The following RBM38 variants were observed in gnomAD, a reference collection of about 807,000 sequenced individuals.
RBM38 encodes RNA binding motif protein 38, also known as RNA-binding protein 38.
In RBM38, 11 loss-of-function variants were observed where a neutral mutation model predicts 23.5. The ratio of observed to expected loss-of-function variants is 0.47; its 90% CI spans 0.29 to 0.77. The LOEUF is 0.77. Among genes scored for constraint, RBM38 ranks in the 30% least tolerant of loss-of-function variants. RBM38 has a pLI of 0.08. For missense variants in RBM38, 330 were observed against 351.9 expected (o/e 0.94, Z 0.50); for synonymous variants, 165 against 166.1 (o/e 0.99, Z 0.05).
chr20:57,393,262 T>C lies in RBM38; in HGVS notation c.362-17T>C. The C allele has an allele frequency of 6.2e-7, 1 of 1,612,784 alleles. No homozygotes were observed. Among genetic ancestry groups the C allele is most frequent in the Non-Finnish European group, 8.5e-7 (1 of 1,179,228 alleles). On this transcript the variant is annotated splice_polypyrimidine_tract_variant and intron_variant, in intron 2 of 3. Transcript: ENST00000356208. ...TCGTGCAGCAAGGCCAAGTCCCTGATTGTTCTCTCGTTTTAGGCTTTGCCA... is the reference window on the plus strand; with the variant it reads ...TCGTGCAGCAAGGCCAAGTCCCTGACTGTTCTCTCGTTTTAGGCTTTGCCA...
At chr20:57,394,207 C>T (rs2067250812) in intron 3 of RBM38, among the ~76,000 whole-genome samples, 4 of 152,272 alleles carry the variant, frequency 2.6e-5, no homozygotes, top group Non-Finnish European at 4.4e-5. Context: ...CGTGTGTGTG[C>T]TCACGCATGT....
Position 57,407,010 on chromosome 20 carries a change from A to C in RBM38, c.417-533A>C, listed in dbSNP as rs1178554466. ...CTCTGTCTCAAAAAAAAAAAAAAAA[A>C]CAAACCCTGTGAGGAGCAGGTGTTG... On this transcript the variant is annotated intron_variant, in intron 3 of 3. Transcript: ENST00000356208. The surrounding 1 kb of genome is among the most constrained non-coding windows in gnomAD (Gnocchi z 4.0). Among the ~76,000 whole-genome samples, 19 of 149,106 alleles carry C rather than the reference A, an allele frequency of 1.3e-4. No homozygotes were observed. The highest frequency in any genetic ancestry group is 7.8e-4 in the East Asian group (4 of 5,136).
At chr20:57,406,043 C>T (rs543040209) in intron 3 of RBM38, among the ~76,000 whole-genome samples, 1 of 152,352 alleles carries the variant, frequency 6.6e-6, no homozygotes, top group South Asian at 2.1e-4. Flanking sequence ...AAGTCACCCC[C>T]CAGGCGGGCC....
chr20:57,396,615 G>A (rs1003213999), intron 3 of RBM38, among the ~76,000 whole-genome samples: 8 of 152,202 alleles, frequency 5.3e-5, no homozygotes, highest in East Asian at 1.9e-4. Context: ...CTTGACTCCC[G>A]TTCACAGAGT....
intron 3 of RBM38, among the ~76,000 whole-genome samples, chr20:57,402,573 G>A (rs970466749): frequency 3.3e-5 from 5 of 152,208 alleles, no homozygotes; most frequent in East Asian, 1.9e-4. Context: ...GTGGGGCGGC[G>A]TGCAGCTACC....
rs542773204 is a variant in RBM38 at position 57,407,711 on chromosome 20, G to A, written c.585G>A (p.Ser195=). ...ATYDQYPYAA[S]PATAASFVGY... is the part of the protein sequence containing the mutation. ...ATGACCAGTACCCATACGCCGCCTC[G>A]CCTGCCACGGCTGCCAGCTTCGTGG... is the stretch of plus-strand genomic sequence containing the variant. The change falls in exon 4 of 4, where the codon TCG becomes TCA. Residue 195 remains serine (S), a synonymous_variant. Transcript: ENST00000356208. The surrounding 1 kb of genome is among the most constrained non-coding windows in gnomAD (Gnocchi z 4.0). 1.6e-5 allele frequency: 25 copies of A among 1,611,572 alleles called. No individual in the cohort carries two copies. Among genetic ancestry groups the A allele is most frequent in the East Asian group, 8.9e-5 (4 of 44,874 alleles).
chr20:57,403,699 A>G (rs2067352718), intron 3 of RBM38, among the ~76,000 whole-genome samples: 1 of 151,810 alleles, frequency 6.6e-6, no homozygotes, highest in Non-Finnish European at 1.5e-5. Context: ...TCAGCTCACC[A>G]CAACCTCCAC....
At position 57,398,249 on chromosome 20, in the gene RBM38, C is replaced by CGTGTGT. The variant is rs3067272; in HGVS notation, c.416+4937_416+4942dup. Among the ~76,000 whole-genome samples the CGTGTGT allele has an allele frequency of 2.6e-4, 39 of 149,112 alleles. No individual in the cohort carries two copies. In the East Asian group the frequency reaches 5.3e-3, roughly 20 times the overall value. On this transcript the variant is annotated intron_variant, in intron 3 of 3. Coordinates refer to ENST00000356208, the MANE Select transcript of RBM38 (RefSeq NM_017495.6). ...CAGAGGAGCTGTTTGCAGGTGATGG[C>CGTGTGT]GTGTGTGTGTGTGTGTGTGTGTGTG...
At chr20:57,394,106 G>A (rs1276646906) in intron 3 of RBM38, among the ~76,000 whole-genome samples, 1 of 152,202 alleles carries the variant, frequency 6.6e-6, no homozygotes, top group Admixed American at 6.5e-5. Context: ...GTTGGAGTTG[G>A]AGGGGAAGGC....
rs1264183260 is a variant in RBM38 at position 57,393,269 on chromosome 20, C to T, written c.362-10C>T. 1 of 1,613,668 alleles carries T rather than the reference C, an allele frequency of 6.2e-7. No homozygotes were observed. The highest frequency in any genetic ancestry group is 1.1e-5 in the South Asian group (1 of 91,070). ...GCAAGGCCAAGTCCCTGATTGTTCTCTCGTTTTAGGCTTTGCCATTGGGGT... is the reference window on the plus strand; with the variant it reads ...GCAAGGCCAAGTCCCTGATTGTTCTTTCGTTTTAGGCTTTGCCATTGGGGT... On this transcript the variant is annotated splice_polypyrimidine_tract_variant and intron_variant, in intron 2 of 3. Transcript: ENST00000356208.
chr20:57,400,105 T>A (rs1253256045), intron 3 of RBM38: 1 of 417,468 alleles, frequency 2.4e-6, no homozygotes, highest in Non-Finnish European at 4.8e-6. Flanking sequence ...TTGGGGGCAA[T>A]CTGTTGGACT....
Position 57,407,054 on chromosome 20 carries a change from T to C in RBM38, c.417-489T>C, listed in dbSNP as rs571126763. Reference sequence around the variant, plus strand: ...GGTGTTGGCTGGGAGAGCAGGCGTGTACATGAGCCAAGTGTGCAGTGTCAC... The same window carrying C: ...GGTGTTGGCTGGGAGAGCAGGCGTGCACATGAGCCAAGTGTGCAGTGTCAC... On this transcript the variant is annotated intron_variant, in intron 3 of 3. Transcript: ENST00000356208. This position sits in a 1 kb window ranked among gnomAD's most constrained non-coding sequence, Gnocchi z 4.0. Among the ~76,000 whole-genome samples, 2 of 149,614 alleles carry C rather than the reference T, an allele frequency of 1.3e-5. No individual in the cohort carries two copies. The highest frequency in any genetic ancestry group is 3.0e-5 in the Non-Finnish European group (2 of 67,756).
rs1038251559 is a variant in RBM38, at chr20:57,407,192, C to T, written c.417-351C>T. Among the ~76,000 whole-genome samples the T allele has an allele frequency of 5.9e-5, 9 of 152,104 alleles. No homozygotes were observed. Among genetic ancestry groups the T allele is most frequent in the East Asian group, 1.9e-4 (1 of 5,194 alleles). ...CCCTGCTCTTGATCGCATGCTCCGC[C>T]GTCGTGGCTTCAAACTCTCAATCAT... On this transcript the variant is annotated intron_variant, in intron 3 of 3. Coordinates refer to ENST00000356208, the MANE Select transcript of RBM38 (RefSeq NM_017495.6). This position sits in a 1 kb window ranked among gnomAD's most constrained non-coding sequence, Gnocchi z 4.0.
rs919218341 is a variant in RBM38, at chr20:57,402,144, A to G, written c.417-5399A>G. Among the ~76,000 whole-genome samples, 3 of 152,044 alleles carry G rather than the reference A, an allele frequency of 2.0e-5. No homozygotes were observed. In the South Asian group the frequency reaches 6.2e-4, roughly 31 times the overall value. The stretch of plus-strand genomic sequence containing the variant: ...GTATTTTTAGTAGAGATGGGGTTTC[A>G]CCGTGTTGGCCAGGATGGTCTCAAT... On this transcript the variant is annotated intron_variant, in intron 3 of 3. Coordinates refer to ENST00000356208, the MANE Select transcript of RBM38 (RefSeq NM_017495.6).
At chr20:57,399,963 G>T (rs1222033179) in intron 3 of RBM38, 1 of 456,192 alleles carries the variant, frequency 2.2e-6, no homozygotes, top group African/African-American at 2.0e-5. Context: ...GTCCTCCTGG[G>T]CCGTGGTCAG....
intron 3 of RBM38, among the ~76,000 whole-genome samples, chr20:57,402,159 A>C (rs2067334929): frequency 1.3e-5 from 2 of 152,004 alleles, no homozygotes; most frequent in Admixed American, 6.5e-5. Flanking sequence ...GTTGGCCAGG[A>C]TGGTCTCAAT....
intron 3 of RBM38, among the ~76,000 whole-genome samples, chr20:57,401,231 C>T (rs181280468): frequency 2.2e-3 from 341 of 152,338 alleles, no homozygotes; most frequent in Middle Eastern, 3.4e-3. Context: ...CTGGGGTGCA[C>T]AGAAGCAATA....
At chr20:57,405,185 C>G (rs1383838044) in intron 3 of RBM38, among the ~76,000 whole-genome samples, 1 of 152,250 alleles carries the variant, frequency 6.6e-6, no homozygotes, top group African/African-American at 2.4e-5. Flanking sequence ...GCTGTCTTGA[C>G]TTCCCCTGAG....
chr20:57,391,860 C>A, intron 1 of RBM38, 42 bp downstream of exon 1: 1 of 1,380,110 alleles, frequency 7.2e-7, no homozygotes, highest in Non-Finnish European at 9.6e-7. Context: ...CGCCGCACAC[C>A]TTATCGCGGC....
Sources: gnomAD v4.1 joint callset for allele counts (sites outside exome capture counted in the v4.1 genomes callset) on GRCh38, gnomAD v4.1.1 for gene constraint, Gnocchi (gnomAD v3.1) non-coding constraint, MANE v1.5 for transcripts, NCBI Gene and HGNC (gene_info 2026-07-23, HGNC 2026-07-21) for gene names.